KBTBD11: variants seen among roughly 807,000 people sequenced by gnomAD.
The protein encoded by KBTBD11 is kelch repeat and BTB domain-containing protein 11.
For synonymous variants in KBTBD11, 747 were observed against 499.0 expected, an observed-to-expected ratio of 1.50 and a Z score of -6.63; for missense variants, 1,390 against 1,001.8, an observed-to-expected ratio of 1.39 and a Z score of -5.23.
chr8:2,003,375 G>T lies in KBTBD11; in HGVS notation c.*311G>T, dbSNP rs917884971. 2 of 280,056 alleles carry T rather than the reference G, an allele frequency of 7.1e-6. No homozygotes were observed. The allele number at this position is 280,056 out of a possible 1,614,324, so 17.3% of individuals were successfully genotyped here. ...GGGTACAGTGGGGGTTCCTGAGGCA[G>T]CCTGCAGCCGGCCCCGGGGTGTCCC... On this transcript the variant is annotated 3_prime_UTR_variant, in exon 2 of 2. Transcript: ENST00000320248.
chr8:1,988,095 T>C (rs541078052), intron 1 of KBTBD11, among the ~76,000 whole-genome samples: 1 of 152,208 alleles, frequency 6.6e-6, no homozygotes, highest in Non-Finnish European at 1.5e-5. Context: ...TATTCCATGG[T>C]GTATATGTGC....
chr8:1,984,593 C>T (rs554378356), intron 1 of KBTBD11, among the ~76,000 whole-genome samples: 17 of 152,060 alleles, frequency 1.1e-4, no homozygotes, highest in African/African-American at 4.1e-4. Flanking sequence ...GGCCCCGTCT[C>T]TAAAAAAATG....
rs1205631931 is a variant in KBTBD11 at position 2,001,258 on chromosome 8, C to T, written c.66C>T (p.Ser22=). The T allele has an allele frequency of 3.5e-5, 52 of 1,506,412 alleles. No homozygotes were observed. Among genetic ancestry groups the T allele is most frequent in the Middle Eastern group, 2.0e-4 (1 of 4,940 alleles). The allele number at this position is 1,506,412 out of a possible 1,614,324, so 93.3% of individuals were successfully genotyped here. A position where few individuals can be genotyped will look rare whatever the true frequency, so the allele number is the denominator to read the frequency against. ...CTGAGCCCGGGGCTGCCGGGGAGAG[C>T]GAGAGCGAGGGCGCCGCGTCCCCGG... The part of the protein sequence containing the change: ...PGTEPGAAGE[S]ESEGAASPAQ... The change falls in exon 2 of 2, where the codon AGC becomes AGT. Residue 22 remains serine, a synonymous_variant. Coordinates refer to ENST00000320248, the MANE Select transcript of KBTBD11 (RefSeq NM_014867.3).
intron 1 of KBTBD11, among the ~76,000 whole-genome samples, chr8:1,993,926 C>CACAA (rs1471350551): frequency 1.4e-5 from 2 of 142,072 alleles, no homozygotes; most frequent in South Asian, 2.2e-4. Flanking sequence ...ACCCCCTACA[C>CACAA]ACACACACAC....
At position 2,001,443 on chromosome 8, in the gene KBTBD11, G is replaced by A; in HGVS notation, c.251G>A (p.Gly84Asp). ...VERQWEAGSA[G>D]AASPEELASP... The stretch of plus-strand genomic sequence containing the variant: ...CGGCAGTGGGAGGCCGGCAGCGCGG[G>A]CGCCGCGTCCCCGGAGGAGCTCGCG... The change falls in exon 2 of 2, where the codon GGC (glycine) becomes GAC (aspartate). Residue 84 changes from glycine to aspartate, a missense_variant. Gly to Asp is a moderately conservative substitution (Grantham distance 94, BLOSUM62 -1). Transcript: ENST00000320248. 7.4e-7 allele frequency: 1 copy of A among 1,357,524 alleles called. No individual in the cohort carries two copies. 84.1% of individuals were successfully genotyped at this position (1,357,524 alleles called of 1,614,324 possible).
intron 1 of KBTBD11, among the ~76,000 whole-genome samples, chr8:1,994,378 G>C (rs1817054410): frequency 6.6e-6 from 1 of 152,346 alleles, no homozygotes; most frequent in Admixed American, 6.5e-5. Context: ...CGACCCGCCT[G>C]AACATTCCAG....
At position 2,002,684 on chromosome 8, in the gene KBTBD11, C is replaced by A; in HGVS notation, c.1492C>A (p.Leu498Ile). The A allele has an allele frequency of 6.4e-7, 1 of 1,561,540 alleles. No individual in the cohort carries two copies. Among genetic ancestry groups the A allele is most frequent in the Non-Finnish European group, 8.6e-7 (1 of 1,162,874 alleles). Reference protein sequence around the residue: ...SRERSADMVALDGFIYRFDLS... With the variant: ...SRERSADMVAIDGFIYRFDLS... ...CGAGCGCTCGGCCGACATGGTGGCT[C>A]TCGACGGCTTCATCTACCGCTTCGA... Residue 498 changes from leucine (L) to isoleucine (I), a missense_variant, in exon 2 of 2, where the codon CTC (leucine) becomes ATC (isoleucine). Physicochemically the swap from Leu to Ile is conservative, Grantham distance 5. Transcript: ENST00000320248. This position sits in a 1 kb window ranked among gnomAD's most constrained non-coding sequence, Gnocchi z 4.1.
intron 1 of KBTBD11, among the ~76,000 whole-genome samples, chr8:1,992,250 T>C (rs34295832): frequency 0.13 from 19,090 of 152,112 alleles, 1,282 homozygotes; most frequent in Middle Eastern, 0.18. Context: ...GTGGCAGCGC[T>C]GCCTGCCTCC....
chr8:1,974,777 T>G (rs1816270446), intron 1 of KBTBD11: 2 of 849,510 alleles, frequency 2.4e-6, no homozygotes, highest in African/African-American at 3.7e-5. Context: ...TCCCTCCACC[T>G]CTTTAGAGTC....
At chr8:1,994,797 G>T (rs540506607) in intron 1 of KBTBD11, among the ~76,000 whole-genome samples, 2 of 152,144 alleles carry the variant, frequency 1.3e-5, no homozygotes, top group Non-Finnish European at 2.9e-5. Flanking sequence ...GGTGGCTGAC[G>T]CCTGTAATCC....
In KBTBD11 at chr8:2,001,980, ATC is replaced by A; in HGVS notation, c.790_791del (p.Leu264GlyfsTer187). 1 of 1,451,558 alleles carries A rather than the reference ATC, an allele frequency of 6.9e-7. No homozygotes were observed. The highest frequency in any genetic ancestry group is 9.1e-7 in the Non-Finnish European group (1 of 1,097,080). 89.9% of individuals were successfully genotyped at this position (1,451,558 alleles called of 1,614,324 possible). A position where few individuals can be genotyped will look rare whatever the true frequency, so the allele number is the denominator to read the frequency against. On this transcript the variant is annotated frameshift_variant, in exon 2 of 2. Transcript: ENST00000320248. LOFTEE classifies it low-confidence loss of function (END_TRUNC). Reference sequence around the variant, plus strand: ...GCCTACTGCTTCATGAGCGACCACTATCTGGAGGTGCTGCGCGAGCCCGCCGT... The same window carrying A: ...GCCTACTGCTTCATGAGCGACCACTATGGAGGTGCTGCGCGAGCCCGCCGT...
rs192189815 is a variant in KBTBD11, at chr8:1,983,710, C to G, written c.-909+9775C>G. ...TGGGGCAGTCTTGTGCAAATAAGAC[C>G]ATGAATGTTGAAATGTATTTCACAT... On this transcript the variant is annotated intron_variant, in intron 1 of 1. Transcript: ENST00000320248. Among the ~76,000 whole-genome samples the G allele has an allele frequency of 2.0e-5, 3 of 152,290 alleles. No homozygotes were observed. In the East Asian group the frequency reaches 5.8e-4, roughly 29 times the overall value.
In KBTBD11 at chr8:1,989,637, G is replaced by C. The variant is rs539651195; in HGVS notation, c.-908-10648G>C. ...GCAGATCAGGAAATCTATGCAACAA[G>C]TTTCACAGCTGAGGTGTCCCCTCTC... On this transcript the variant is annotated intron_variant, in intron 1 of 1. Transcript: ENST00000320248. Among the ~76,000 whole-genome samples, 3 of 152,294 alleles carry C rather than the reference G, an allele frequency of 2.0e-5. No homozygotes were observed. The South Asian group carries it at 6.2e-4, about 32-fold the overall frequency.
intron 1 of KBTBD11, among the ~76,000 whole-genome samples, chr8:1,996,803 A>G (rs1372668925): frequency 2.0e-5 from 3 of 152,192 alleles, no homozygotes; most frequent in Admixed American, 1.3e-4. Flanking sequence ...TTTAATTTGT[A>G]TTAATCGTAA....
In KBTBD11 at chr8:2,006,310, A is replaced by T. The variant is rs1212855292; in HGVS notation, c.*3246A>T. ...TCTTTTGTCTTTTGCTGAAGTCAGG[A>T]TAGATTCAAGACATAATCTCTTGTA... On this transcript the variant is annotated 3_prime_UTR_variant, in exon 2 of 2. Coordinates refer to ENST00000320248, the MANE Select transcript of KBTBD11 (RefSeq NM_014867.3). 2 of 167,082 alleles carry T rather than the reference A, an allele frequency of 1.2e-5. No homozygotes were observed. The highest frequency in any genetic ancestry group is 2.4e-5 in the African/African-American group (1 of 41,470). 10.3% of individuals were successfully genotyped at this position (167,082 alleles called of 1,614,324 possible).
chr8:1,984,127 T>A (rs558463026), intron 1 of KBTBD11, among the ~76,000 whole-genome samples: 8 of 150,482 alleles, frequency 5.3e-5, no homozygotes, highest in African/African-American at 2.0e-4. Flanking sequence ...TGAAAAAAAT[T>A]TAGAAAAATA....
In KBTBD11 at chr8:2,001,170, G is replaced by C; in HGVS notation, c.-23G>C. Reference sequence around the variant, plus strand: ...AGGCTGCGGAACCGGGGGCGCGCGGGCGCAGCGCAGCACAGCCCGGCCATG... The same window carrying C: ...AGGCTGCGGAACCGGGGGCGCGCGGCCGCAGCGCAGCACAGCCCGGCCATG... On this transcript the variant is annotated 5_prime_UTR_variant, in exon 2 of 2. Transcript: ENST00000320248. 7.7e-7 allele frequency: 1 copy of C among 1,301,438 alleles called. No individual in the cohort carries two copies. Among genetic ancestry groups the C allele is most frequent in the African/African-American group, 1.5e-5 (1 of 64,922 alleles). The allele number at this position is 1,301,438 out of a possible 1,614,324, so 80.6% of individuals were successfully genotyped here.
intron 1 of KBTBD11, among the ~76,000 whole-genome samples, chr8:1,982,694 C>T (rs1485931818): frequency 2.6e-5 from 4 of 151,932 alleles, no homozygotes; most frequent in Admixed American, 6.6e-5. Flanking sequence ...TTTTATAATG[C>T]CAAAGGGGCC....
chr8:1,989,858 G>A (rs1816845255), intron 1 of KBTBD11, among the ~76,000 whole-genome samples: 1 of 151,620 alleles, frequency 6.6e-6, no homozygotes, highest in South Asian at 2.1e-4. Context: ...GTGACCAGCA[G>A]GGGTGAATCC....
Sources: gnomAD v4.1 joint callset for allele counts (sites outside exome capture counted in the v4.1 genomes callset) on GRCh38, gnomAD v4.1.1 for gene constraint, Gnocchi (gnomAD v3.1) non-coding constraint, MANE v1.5 for transcripts, NCBI Gene and HGNC (gene_info 2026-07-23, HGNC 2026-07-21) for gene names.